MROH7: variants seen among roughly 807,000 people sequenced by gnomAD.
MROH7 encodes maestro heat like repeat family member 7.
MROH7 carries 113 observed loss-of-function variants against 129.2 expected under a neutral mutation model. The ratio of observed to expected loss-of-function variants is 0.87; its 90% confidence interval spans 0.75 to 1.02. The LOEUF (loss-of-function observed/expected upper bound fraction) is 1.02. MROH7 is among the 50% of genes least tolerant of loss of function. MROH7 has a pLI of 0.00. For synonymous variants in MROH7, 655 were observed against 667.9 expected, an observed-to-expected ratio of 0.98 and a Z score of 0.30; for missense variants, 1,601 against 1,671.3, an observed-to-expected ratio of 0.96 and a Z score of 0.73.
At chr1:54,676,717 C>CTTT (rs535453932) in intron 10 of MROH7, among the ~76,000 whole-genome samples, 3 of 134,352 alleles carry the variant, frequency 2.2e-5, no homozygotes, top group Non-Finnish European at 3.2e-5. Flanking sequence ...TTTTTCTTTT[C>CTTT]TTTTTTTTTT....
At position 54,701,416 on chromosome 1, in the gene MROH7, A is replaced by G; in HGVS notation, c.3285+94A>G. 2.6e-6 allele frequency: 3 copies of G among 1,169,896 alleles called. No individual in the cohort carries two copies. The South Asian group carries it at 5.1e-5, about 20-fold the overall frequency. The allele number at this position is 1,169,896 out of a possible 1,614,324, so 72.5% of individuals were successfully genotyped here. A position where few individuals can be genotyped will look rare whatever the true frequency, so the allele number is the denominator to read the frequency against. ...CATTTCCACCTGTGCCCCCATCAGG[A>G]CCTGGGCAGTGTTGGGTCAGCCTAC... On this transcript the variant is annotated intron_variant, in intron 19 of 23. Coordinates refer to ENST00000421030, the MANE Select transcript of MROH7 (RefSeq NM_001039464.4).
At chr1:54,648,260 T>C (rs918450127) in intron 1 of MROH7, among the ~76,000 whole-genome samples, 2 of 152,128 alleles carry the variant, frequency 1.3e-5, no homozygotes, top group Non-Finnish European at 2.9e-5. Flanking sequence ...AGGCATGGAT[T>C]TATTTCTGGA....
At chr1:54,645,651 C>CTTTTTTTTTTTT in intron 1 of MROH7, among the ~76,000 whole-genome samples, 1 of 110,228 alleles carries the variant, frequency 9.1e-6, no homozygotes, top group Non-Finnish European at 1.8e-5. Context: ...TTCTTTCTTT[C>CTTTTTTTTTTTT]TTTCTTTTTT....
intron 5 of MROH7, among the ~76,000 whole-genome samples, chr1:54,670,055 G>A (rs1409846019): frequency 4.3e-5 from 6 of 138,594 alleles, no homozygotes; most frequent in African/African-American, 5.4e-5. Flanking sequence ...AACATCATGA[G>A]GTCTCATCTT....
At chr1:54,668,196 C>A (rs1644841600) in intron 4 of MROH7, among the ~76,000 whole-genome samples, 1 of 152,226 alleles carries the variant, frequency 6.6e-6, no homozygotes, top group Non-Finnish European at 1.5e-5. Context: ...AGTCCAGGAA[C>A]TGGCCCAGCA....
At chr1:54,655,567 A>T (rs1204427592) in intron 3 of MROH7, among the ~76,000 whole-genome samples, 2 of 151,232 alleles carry the variant, frequency 1.3e-5, no homozygotes, top group Non-Finnish European at 2.9e-5. Flanking sequence ...TTTTGTAGAG[A>T]TGGGGCCTTG....
intron 17 of MROH7, 163 bp downstream of exon 17, chr1:54,695,653 C>A: frequency 1.5e-6 from 1 of 680,438 alleles, no homozygotes; most frequent in Non-Finnish European, 2.7e-6. Flanking sequence ...CCTCCCTCCC[C>A]TCCCTGTCTC....
chr1:54,708,912 G>A (rs1645578363), intron 22 of MROH7, 102 bp from the exon 23 acceptor site: 1 of 871,488 alleles, frequency 1.1e-6, no homozygotes, highest in East Asian at 3.2e-5. Flanking sequence ...GGGGCTGGAG[G>A]ATAATGGGAA....
chr1:54,702,385 G>T lies in MROH7; in HGVS notation c.3441+140G>T, dbSNP rs1400841195. 8 of 840,154 alleles carry T rather than the reference G, an allele frequency of 9.5e-6. No individual in the cohort carries two copies. In the African/African-American group the frequency reaches 1.1e-4, roughly 11 times the overall value. 52.0% of individuals were successfully genotyped at this position (840,154 alleles called of 1,614,324 possible). A position where few individuals can be genotyped will look rare whatever the true frequency, so the allele number is the denominator to read the frequency against. ...CCAGCCATGTCTGTTTTCTAAAGGT[G>T]CCCACATCAGGATTCTTCCTCAACA... On this transcript the variant is annotated intron_variant, in intron 20 of 23. Coordinates refer to ENST00000421030, the MANE Select transcript of MROH7 (RefSeq NM_001039464.4).
chr1:54,674,222 C>A, intron 10 of MROH7, 71 bp downstream of exon 10: 2 of 1,533,932 alleles, frequency 1.3e-6, no homozygotes, highest in South Asian at 1.3e-5. Context: ...AATAAAGAAT[C>A]AGCTGGAGCC....
rs879096404 is a variant in MROH7 at position 54,697,837 on chromosome 1, C to A, written c.2964+2347C>A. 7.8e-5 allele frequency: 43 copies of A among 550,492 alleles called. No individual in the cohort carries two copies. In the South Asian group the frequency reaches 1.1e-3, roughly 14 times the overall value. The allele number at this position is 550,492 out of a possible 1,614,324, so 34.1% of individuals were successfully genotyped here. A position where few individuals can be genotyped will look rare whatever the true frequency, so the allele number is the denominator to read the frequency against. On this transcript the variant is annotated intron_variant, in intron 17 of 23. Coordinates refer to ENST00000421030, the MANE Select transcript of MROH7 (RefSeq NM_001039464.4). ...TTAGTGTCTACCACATGGGTTCTTG[C>A]AGGAGAGGAGGGAGGGTGGATCTTG...
chr1:54,647,418 T>C (rs1476456036), intron 1 of MROH7, among the ~76,000 whole-genome samples: 2 of 151,622 alleles, frequency 1.3e-5, no homozygotes, highest in Admixed American at 6.6e-5. Context: ...TGAGACCAGC[T>C]TGGTCAACAT....
At chr1:54,674,764 T>C (rs533135737) in intron 10 of MROH7, among the ~76,000 whole-genome samples, 61 of 152,308 alleles carry the variant, frequency 4.0e-4, no homozygotes, top group African/African-American at 1.5e-3. Flanking sequence ...CAGTATCAGC[T>C]GTCACTTGCC....
At chr1:54,669,303 T>C (rs138799577) in intron 5 of MROH7, among the ~76,000 whole-genome samples, 6 of 152,308 alleles carry the variant, frequency 3.9e-5, no homozygotes, top group African/African-American at 1.4e-4. Flanking sequence ...TGGGCAACTT[T>C]AGGCAGTTTC....
At chr1:54,643,228 G>A (rs1644414788) in intron 1 of MROH7, among the ~76,000 whole-genome samples, 1 of 152,214 alleles carries the variant, frequency 6.6e-6, no homozygotes, top group Non-Finnish European at 1.5e-5. Flanking sequence ...TGGGGGAAGG[G>A]ACATCTAATC....
rs796285251 is a variant in MROH7 at position 54,663,702 on chromosome 1, CAA to C, written c.1232-1456_1232-1455del. On this transcript the variant is annotated intron_variant, in intron 3 of 23. Coordinates refer to ENST00000421030, the MANE Select transcript of MROH7 (RefSeq NM_001039464.4). ...ATCAGCTCTAAAAAAAAAAAAAAAA[CAA>C]AAAAAAAACAAGCTTTTGTGTCCCT... The C allele has an allele frequency of 9.0e-4, 173 of 191,602 alleles. 1 individual carries two copies. The highest frequency in any genetic ancestry group is 2.5e-3 in the South Asian group (68 of 27,578). 11.9% of individuals were successfully genotyped at this position (191,602 alleles called of 1,614,324 possible).
chr1:54,663,001 C>A (rs1433077345), intron 3 of MROH7, among the ~76,000 whole-genome samples: 1 of 152,156 alleles, frequency 6.6e-6, no homozygotes, highest in Non-Finnish European at 1.5e-5. Flanking sequence ...TTTCTCATTG[C>A]ATCCTGTCTG....
At chr1:54,657,345 C>T (rs888724006) in intron 3 of MROH7, among the ~76,000 whole-genome samples, 1 of 151,640 alleles carries the variant, frequency 6.6e-6, no homozygotes, top group Non-Finnish European at 1.5e-5. Flanking sequence ...CCACCATGTC[C>T]AGCCAAACCT....
At chr1:54,702,390 C>T (rs367744445) in intron 20 of MROH7, 145 bp downstream of exon 20, 2 of 830,922 alleles carry the variant, frequency 2.4e-6, no homozygotes, top group East Asian at 6.2e-5. Context: ...AAGGTGCCCA[C>T]ATCAGGATTC....
Sources: gnomAD v4.1 joint callset for allele counts (sites outside exome capture counted in the v4.1 genomes callset) on GRCh38, gnomAD v4.1.1 for gene constraint, MANE v1.5 for transcripts, NCBI Gene and HGNC (gene_info 2026-07-23, HGNC 2026-07-21) for gene names.